The following AP1B1 variants were observed in gnomAD, a reference collection of about 807,000 sequenced individuals.
The protein encoded by AP1B1 is adaptor related protein complex 1 subunit beta 1.
A neutral mutation model predicts 104.3 loss-of-function variants in AP1B1; 36 were observed. That is an observed-to-expected ratio of 0.35 (90% CI 0.26 to 0.46). The LOEUF is 0.46. Among genes scored for constraint, AP1B1 ranks in the 20% least tolerant of loss-of-function variants. The pLI, the probability that AP1B1 is intolerant of heterozygous loss-of-function variation, is 1.00. For synonymous variants in AP1B1, 504 were observed against 517.5 expected, an observed-to-expected ratio of 0.97 and a Z score of 0.35; for missense variants, 901 against 1,247.9, an observed-to-expected ratio of 0.72 and a Z score of 4.19.
chr22:29,383,868 T>C (rs1467957433), intron 1 of AP1B1, among the ~76,000 whole-genome samples: 1 of 152,046 alleles, frequency 6.6e-6, no homozygotes, highest in East Asian at 1.9e-4. Flanking sequence ...TAGGCCACAC[T>C]CATACCACAA....
chr22:29,387,429 T>A (rs1313276758), intron 1 of AP1B1, among the ~76,000 whole-genome samples: 1 of 149,970 alleles, frequency 6.7e-6, no homozygotes, highest in African/African-American at 2.5e-5. Context: ...TGCCTCAGCC[T>A]CCCAAGTAGC....
intron 17 of AP1B1, 31 bp downstream of exon 17, chr22:29,334,234 G>A: frequency 6.4e-7 from 1 of 1,551,826 alleles, no homozygotes. Flanking sequence ...GCCTCCTCTT[G>A]AGAGGTGCGC....
At chr22:29,372,601 T>C (rs1325275939) in intron 1 of AP1B1, among the ~76,000 whole-genome samples, 1 of 151,916 alleles carries the variant, frequency 6.6e-6, no homozygotes, top group Admixed American at 6.6e-5. Flanking sequence ...AAAGAGGTCC[T>C]AGGTCCTAAG....
chr22:29,375,828 A>G (rs1399491190), intron 1 of AP1B1, among the ~76,000 whole-genome samples: 1 of 152,204 alleles, frequency 6.6e-6, no homozygotes, highest in Non-Finnish European at 1.5e-5. Flanking sequence ...TAAAAGTGGA[A>G]CTGTTCTGGT....
chr22:29,379,472 A>G (rs1332721857), intron 1 of AP1B1, among the ~76,000 whole-genome samples: 35 of 152,216 alleles, frequency 2.3e-4, no homozygotes, highest in Non-Finnish European at 1.0e-4. Flanking sequence ...CCATCTATGT[A>G]ATGGGAACAC....
At chr22:29,359,726 G>A (rs1244676100) in intron 4 of AP1B1, 98 bp downstream of exon 4, 7 of 1,489,938 alleles carry the variant, frequency 4.7e-6, no homozygotes, top group African/African-American at 1.4e-5. Context: ...TGAAGGTCTG[G>A]ACTCCATCCA....
At chr22:29,362,658 C>CT (rs1372993318) in intron 3 of AP1B1, among the ~76,000 whole-genome samples, 1 of 152,138 alleles carries the variant, frequency 6.6e-6, no homozygotes, top group Non-Finnish European at 1.5e-5. Flanking sequence ...ATTTCCCATT[C>CT]TTTTAAAAAC....
intron 1 of AP1B1, among the ~76,000 whole-genome samples, chr22:29,372,424 C>CA (rs695265): frequency 0.017 from 876 of 52,990 alleles, 5 homozygotes; most frequent in Admixed American, 0.062. Flanking sequence ...AACTGGGTCT[C>CA]AAAAAAAAAA....
At chr22:29,339,625 G>T in intron 15 of AP1B1, 129 bp downstream of exon 15, 1 of 992,980 alleles carries the variant, frequency 1.0e-6, no homozygotes, top group Non-Finnish European at 1.5e-6. Context: ...CCAGGATGCT[G>T]GACCAAGGCA....
At chr22:29,365,729 C>T (rs1192840152) in intron 2 of AP1B1, among the ~76,000 whole-genome samples, 3 of 151,708 alleles carry the variant, frequency 2.0e-5, no homozygotes, top group Non-Finnish European at 4.4e-5. Context: ...CTTCTTGTAT[C>T]ACCCTCCTCG....
At chr22:29,381,818 T>C (rs2062441250) in intron 1 of AP1B1, among the ~76,000 whole-genome samples, 1 of 151,818 alleles carries the variant, frequency 6.6e-6, no homozygotes, top group African/African-American at 2.4e-5. Context: ...AGGATATAAG[T>C]ACCAGGTCCT....
intron 1 of AP1B1, among the ~76,000 whole-genome samples, chr22:29,367,835 C>T (rs1389593409): frequency 6.6e-6 from 1 of 152,190 alleles, no homozygotes; most frequent in African/African-American, 2.4e-5. Flanking sequence ...AGGGAGACTT[C>T]TTCTCCCCAC....
rs139570515 is a variant in AP1B1, at chr22:29,384,643, G to C, written c.-28+3781C>G. Among the ~76,000 whole-genome samples, 1,157 of 152,154 alleles carry C rather than the reference G, an allele frequency of 7.6e-3. 19 individuals carry two copies. The highest frequency in any genetic ancestry group is 0.027 in the African/African-American group (1,105 of 41,480). ...AGCACTTTGGGAGGCCGAGGCAGGC[G>C]GGTCACTTGAGGTCAGGAGTTCGAG... On this transcript the variant is annotated intron_variant, in intron 1 of 22. Transcript: ENST00000357586.
chr22:29,348,074 G>A (rs1211009389), intron 11 of AP1B1, among the ~76,000 whole-genome samples: 1 of 152,250 alleles, frequency 6.6e-6, no homozygotes, highest in African/African-American at 2.4e-5. Context: ...CTACAGCAGT[G>A]TTTAAAAATA....
intron 1 of AP1B1, among the ~76,000 whole-genome samples, chr22:29,380,917 C>T (rs1397673244): frequency 2.6e-5 from 4 of 152,208 alleles, no homozygotes; most frequent in Non-Finnish European, 4.4e-5. Context: ...ACCATGGCCT[C>T]ATAGCCCACA....
In AP1B1 at chr22:29,350,097, G is replaced by A; in HGVS notation, c.1209C>T (p.Val403=). Residue 403 remains valine, a synonymous_variant, in exon 10 of 23, where the codon GTC becomes GTT. Transcript: ENST00000357586. ...STLLDLIQTK[V]NYVVQEAIVV... ...CGATGGCCTCCTGGACCACATAGTT[G>A]ACCTTGGTCTGGATGAGGTCGAGCA... 1 of 1,614,224 alleles carries A rather than the reference G, an allele frequency of 6.2e-7. No homozygotes were observed. The highest frequency in any genetic ancestry group is 8.5e-7 in the Non-Finnish European group (1 of 1,180,030).
chr22:29,349,108 G>T, intron 11 of AP1B1, 110 bp downstream of exon 11: 1 of 1,313,004 alleles, frequency 7.6e-7, no homozygotes, highest in Non-Finnish European at 1.1e-6. Context: ...TCATCTGTCT[G>T]TCAGGGCTGT....
At chr22:29,365,902 G>A (rs1382222100) in intron 2 of AP1B1, among the ~76,000 whole-genome samples, 1 of 151,948 alleles carries the variant, frequency 6.6e-6, no homozygotes, top group Non-Finnish European at 1.5e-5. Flanking sequence ...TCTACAGACT[G>A]TCTTCCCTGC....
chr22:29,351,917 T>A, intron 7 of AP1B1, 92 bp from the exon 8 acceptor site: 1 of 1,513,836 alleles, frequency 6.6e-7, no homozygotes, highest in Non-Finnish European at 8.9e-7. Flanking sequence ...ATTTCTGGGG[T>A]CTGAGGTGGA....
Sources: gnomAD v4.1 joint callset for allele counts (sites outside exome capture counted in the v4.1 genomes callset) on GRCh38, gnomAD v4.1.1 for gene constraint, MANE v1.5 for transcripts, NCBI Gene and HGNC (gene_info 2026-07-23, HGNC 2026-07-21) for gene names.